TIAM2: variants seen among roughly 807,000 people sequenced by gnomAD.
The protein encoded by TIAM2 is TIAM Rac1 associated GEF 2.
A neutral mutation model predicts 152.9 loss-of-function variants in TIAM2; 80 were observed. The ratio of observed to expected loss-of-function variants is 0.52; its 90% CI spans 0.44 to 0.63. TIAM2 has a LOEUF of 0.63. Among genes scored for constraint, TIAM2 ranks in the 30% least tolerant of loss-of-function variants. TIAM2 has a pLI of 0.00. For missense variants in TIAM2, 1,965 were observed against 2,120.1 expected, an observed-to-expected ratio of 0.93 and a Z score of 1.44; for synonymous variants, 804 against 838.0, an observed-to-expected ratio of 0.96 and a Z score of 0.70.
intron 1 of TIAM2, among the ~76,000 whole-genome samples, chr6:155,069,339 C>A (rs1777781562): frequency 6.6e-6 from 1 of 152,098 alleles, no homozygotes; most frequent in African/African-American, 2.4e-5. Flanking sequence ...AGCGATCCTC[C>A]CACCTCAGCC....
At chr6:155,021,768 GC>G (rs1776498807) in intron 1 of TIAM2, among the ~76,000 whole-genome samples, 1 of 152,156 alleles carries the variant, frequency 6.6e-6, no homozygotes, top group South Asian at 2.1e-4. Flanking sequence ...TGACGGCCTA[GC>G]TTGTTACTGT....
At chr6:155,250,443 G>A in intron 21 of TIAM2, 1 of 973,868 alleles carries the variant, frequency 1.0e-6, no homozygotes, top group East Asian at 2.6e-5. Flanking sequence ...CATGCAGGAA[G>A]TAGCATAGTT....
At chr6:155,003,226 G>A (rs1276581858) in intron 1 of TIAM2, among the ~76,000 whole-genome samples, 10 of 151,902 alleles carry the variant, frequency 6.6e-5, no homozygotes, top group African/African-American at 1.2e-4. Context: ...GTTTTTTTCC[G>A]AAGCGTGGAA....
Position 155,052,669 on chromosome 6 carries a change from G to A in TIAM2, c.-208-37620G>A, listed in dbSNP as rs575405391. Among the ~76,000 whole-genome samples, 11 of 151,716 alleles carry A rather than the reference G, an allele frequency of 7.3e-5. No homozygotes were observed. In the South Asian group the frequency reaches 1.0e-3, roughly 14 times the overall value. On this transcript the variant is annotated intron_variant, in intron 1 of 26. Transcript: ENST00000682666. ...TAATCCCAGCGACTCGGGAGGCTAA[G>A]GCAGGAGAATCGCTTGAACCCAGGA...
intron 14 of TIAM2, among the ~76,000 whole-genome samples, chr6:155,190,073 C>T (rs1469784666): frequency 6.6e-6 from 1 of 152,180 alleles, no homozygotes; most frequent in Non-Finnish European, 1.5e-5. Context: ...TATAACGTAT[C>T]GTTGCATGTA....
chr6:155,074,853 CAA>C (rs71023618), intron 1 of TIAM2, among the ~76,000 whole-genome samples: 14 of 37,658 alleles, frequency 3.7e-4, no homozygotes, highest in African/African-American at 6.9e-4. Flanking sequence ...GACTCTGTCT[CAA>C]AAAAAAAAAA....
intron 9 of TIAM2, among the ~76,000 whole-genome samples, chr6:155,170,739 C>G (rs967600719): frequency 2.6e-5 from 4 of 152,210 alleles, no homozygotes; most frequent in Non-Finnish European, 2.9e-5. Flanking sequence ...GGGCTCAAAT[C>G]AACAGGTCCC....
chr6:155,247,826 C>T (rs940753637), intron 19 of TIAM2, among the ~76,000 whole-genome samples, 174 bp from the exon 20 acceptor site: 16 of 152,154 alleles, frequency 1.1e-4, no homozygotes, highest in African/African-American at 3.4e-4. Context: ...GGCTGTGAGG[C>T]GGAATCCCAC....
At chr6:155,254,341 G>A in intron 25 of TIAM2, 78 bp from the exon 26 acceptor site, 2 of 1,558,496 alleles carry the variant, frequency 1.3e-6, no homozygotes, top group Non-Finnish European at 1.7e-6. Flanking sequence ...GCAAGGCACA[G>A]GAACACAGGC....
intron 5 of TIAM2, among the ~76,000 whole-genome samples, chr6:155,140,571 TGTGAGAGAGAGAGA>T (rs1420181818): frequency 2.7e-5 from 3 of 110,724 alleles, no homozygotes; most frequent in African/African-American, 1.2e-4. Flanking sequence ...TGTGTGTGTG[TGTGAGAGAGAGAGA>T]GAGAGAGAGA....
chr6:155,057,711 A>G (rs1322830993), intron 1 of TIAM2, among the ~76,000 whole-genome samples: 2 of 151,658 alleles, frequency 1.3e-5, no homozygotes, highest in Non-Finnish European at 2.9e-5. Flanking sequence ...ATGCCCGGCT[A>G]ACTTTTGTAT....
chr6:155,050,454 AT>A (rs1390730762), intron 1 of TIAM2, among the ~76,000 whole-genome samples: 3 of 152,198 alleles, frequency 2.0e-5, no homozygotes, highest in Non-Finnish European at 4.4e-5. Flanking sequence ...GACTTCTTTC[AT>A]TTATGGATCA....
chr6:155,179,527 G>C lies in TIAM2; in HGVS notation c.2707+71G>C, dbSNP rs923487937. On this transcript the variant is annotated intron_variant, in intron 12 of 26. Coordinates refer to ENST00000682666, the MANE Select transcript of TIAM2 (RefSeq NM_012454.4). ...TTGCCTACTTTGCCCCAGCATCTTTGGACTTAATTTTTTCCCCTTACATTC... is the reference window on the plus strand; with the variant it reads ...TTGCCTACTTTGCCCCAGCATCTTTCGACTTAATTTTTTCCCCTTACATTC... The C allele has an allele frequency of 6.3e-6, 9 of 1,428,532 alleles. No homozygotes were observed. The African/African-American group carries it at 1.0e-4, about 16-fold the overall frequency. The allele number at this position is 1,428,532 out of a possible 1,614,324, so 88.5% of individuals were successfully genotyped here.
At chr6:155,132,009 C>T (rs1779461005) in intron 4 of TIAM2, among the ~76,000 whole-genome samples, 1 of 151,642 alleles carries the variant, frequency 6.6e-6, no homozygotes, top group African/African-American at 2.4e-5. Context: ...GAATATACTT[C>T]TGTATCATGG....
chr6:155,049,555 C>G (rs530958813), intron 1 of TIAM2, among the ~76,000 whole-genome samples: 1 of 152,238 alleles, frequency 6.6e-6, no homozygotes, highest in East Asian at 1.9e-4. Context: ...TTACTTGCAG[C>G]TAAGTCTTGG....
Position 155,129,715 on chromosome 6 carries a change from A to G in TIAM2, c.492A>G (p.Lys164=). Residue 164 remains lysine, a synonymous_variant, in exon 4 of 27, where the codon AAA becomes AAG. Coordinates refer to ENST00000682666, the MANE Select transcript of TIAM2 (RefSeq NM_012454.4). This position sits in a 1 kb window ranked among gnomAD's most constrained non-coding sequence, Gnocchi z 4.8. Reference sequence around the variant, plus strand: ...GCAAGAGCCCCCGAGTGCTCATCAAAACGCTGGGGAAGCTGGATGGGTGTT... The same window carrying G: ...GCAAGAGCCCCCGAGTGCTCATCAAGACGCTGGGGAAGCTGGATGGGTGTT... The part of the protein sequence containing the change: ...EDRKSPRVLI[K]TLGKLDGCLR... 6.2e-7 allele frequency: 1 copy of G among 1,613,990 alleles called. No individual in the cohort carries two copies. The highest frequency in any genetic ancestry group is 8.5e-7 in the Non-Finnish European group (1 of 1,179,998).
chr6:155,233,835 C>T (rs112808609), intron 15 of TIAM2, among the ~76,000 whole-genome samples: 21 of 152,048 alleles, frequency 1.4e-4, no homozygotes, highest in Non-Finnish European at 1.6e-4. Flanking sequence ...TGGTGGCATG[C>T]GCCTGGAGTT....
chr6:155,029,355 T>TTATATATACACTATAG (rs200450296), intron 1 of TIAM2, among the ~76,000 whole-genome samples: 3 of 67,570 alleles, frequency 4.4e-5, no homozygotes, highest in Admixed American at 1.9e-4. Context: ...TATATATACG[T>TTATATATACACTATAG]TATATATAAT....
intron 14 of TIAM2, among the ~76,000 whole-genome samples, chr6:155,202,335 A>G (rs1399033621): frequency 2.0e-5 from 3 of 152,234 alleles, no homozygotes; most frequent in Non-Finnish European, 2.9e-5. Flanking sequence ...TGCATTTTAA[A>G]GTAAAAGTAT....
Sources: gnomAD v4.1 joint callset for allele counts (sites outside exome capture counted in the v4.1 genomes callset) on GRCh38, gnomAD v4.1.1 for gene constraint, Gnocchi (gnomAD v3.1) non-coding constraint, MANE v1.5 for transcripts, NCBI Gene and HGNC (gene_info 2026-07-23, HGNC 2026-07-21) for gene names.